RPAP2: variants seen among roughly 807,000 people sequenced by gnomAD.
RPAP2 encodes the protein putative RNA polymerase II subunit B1 CTD phosphatase RPAP2.
A neutral mutation model predicts 73.1 loss-of-function variants in RPAP2; 52 were observed. The ratio of observed to expected loss-of-function variants is 0.71; its 90% CI spans 0.57 to 0.90. The LOEUF (loss-of-function observed/expected upper bound fraction) is 0.90. Among genes scored for constraint, RPAP2 ranks in the 40% least tolerant of loss-of-function variants. RPAP2 has a pLI of 0.00. For synonymous variants in RPAP2, 225 were observed against 242.1 expected (o/e 0.93, Z 0.65); for missense variants, 598 against 701.8 (o/e 0.85, Z 1.67).
rs540380225 is a variant in RPAP2 at position 92,307,681 on chromosome 1, A to T, written c.488+405A>T. On this transcript the variant is annotated intron_variant, in intron 6 of 12. Coordinates refer to ENST00000610020, the MANE Select transcript of RPAP2 (RefSeq NM_024813.3). ...TTCAGGTTCATTTAATCTTTATAAA[A>T]ATCAGTACACTATTTTATCAATTTA... 2.0e-5 allele frequency among the ~76,000 whole-genome samples: 3 copies of T among 152,274 alleles called. No homozygotes were observed. The East Asian group carries it at 5.8e-4, about 29-fold the overall frequency.
intron 3 of RPAP2, 24 bp downstream of exon 3, chr1:92,301,614 T>C (rs1195294572): frequency 2.9e-6 from 3 of 1,029,416 alleles, no homozygotes; most frequent in African/African-American, 1.7e-5. Context: ...TGACAAATTA[T>C]TAGTTTTGTA....
Position 92,380,875 on chromosome 1 carries a change from TA to T in RPAP2, c.1838+4del, listed in dbSNP as rs757820381. ...TAGAACCAGCTGTTTACCAGAGTGG[TA>T]AGTTGGATTGTGTTTTATTTTGGTT... is the stretch of plus-strand genomic sequence containing the variant. On this transcript the variant is annotated splice_donor_region_variant and intron_variant, in intron 12 of 12. Coordinates refer to ENST00000610020, the MANE Select transcript of RPAP2 (RefSeq NM_024813.3). 3 of 1,558,728 alleles carry T rather than the reference TA, an allele frequency of 1.9e-6. No homozygotes were observed. Among genetic ancestry groups the T allele is most frequent in the Admixed American group, 2.2e-5 (1 of 46,418 alleles).
chr1:92,340,136 G>A (rs1417521579), intron 10 of RPAP2, among the ~76,000 whole-genome samples: 1 of 152,142 alleles, frequency 6.6e-6, no homozygotes, highest in Admixed American at 6.5e-5. Flanking sequence ...ATAAAATTCT[G>A]TTCCAAAAAC....
At chr1:92,329,226 T>C (rs1652819388) in intron 8 of RPAP2, among the ~76,000 whole-genome samples, 1 of 152,104 alleles carries the variant, frequency 6.6e-6, no homozygotes, top group African/African-American at 2.4e-5. Flanking sequence ...CCCAAGAGAT[T>C]AAGTCCTTTG....
intron 11 of RPAP2, among the ~76,000 whole-genome samples, chr1:92,354,368 C>T (rs1466059492): frequency 6.6e-6 from 1 of 152,022 alleles, no homozygotes; most frequent in Non-Finnish European, 1.5e-5. Context: ...TACAAGGCAA[C>T]AATGATAAAG....
chr1:92,300,124 C>T (rs1356161021), intron 1 of RPAP2, 70 bp from the exon 2 acceptor site: 7 of 1,029,078 alleles, frequency 6.8e-6, no homozygotes, highest in African/African-American at 1.6e-5. Context: ...CTTATGAGAC[C>T]GCTGTCTGTA....
Position 92,391,717 on chromosome 1 carries a change from C to A in RPAP2, c.*4706C>A, listed in dbSNP as rs1656046320. On this transcript the variant is annotated 3_prime_UTR_variant, in exon 13 of 13. Transcript: ENST00000610020. ...AAAGGGGATATCACCACTGATCCCACAGAAATACAAACTACCATCAGCGAA... is the reference window on the plus strand; with the variant it reads ...AAAGGGGATATCACCACTGATCCCAAAGAAATACAAACTACCATCAGCGAA... 1 of 152,140 alleles carries A rather than the reference C, an allele frequency of 6.6e-6. No homozygotes were observed. Among genetic ancestry groups the A allele is most frequent in the Non-Finnish European group, 1.5e-5 (1 of 68,028 alleles). 9.4% of individuals were successfully genotyped at this position (152,140 alleles called of 1,614,324 possible). A position where few individuals can be genotyped will look rare whatever the true frequency, so the allele number is the denominator to read the frequency against.
chr1:92,365,257 A>T (rs1238820031), intron 11 of RPAP2, among the ~76,000 whole-genome samples: 1 of 152,144 alleles, frequency 6.6e-6, no homozygotes, highest in Non-Finnish European at 1.5e-5. Context: ...TTACTATCCG[A>T]TTTCTTCCAA....
In RPAP2 at chr1:92,339,129, T is replaced by C. The variant is rs529180528; in HGVS notation, c.1619+2702T>C. On this transcript the variant is annotated intron_variant, in intron 10 of 12. Transcript: ENST00000610020. ...TATATTTTTTAGAACAATATTTTTC[T>C]ATAGATCTAATTTGATGTCTCTTTT... Among the ~76,000 whole-genome samples the C allele has an allele frequency of 5.3e-5, 8 of 152,310 alleles. No individual in the cohort carries two copies. The South Asian group carries it at 1.7e-3, about 32-fold the overall frequency.
chr1:92,326,135 A>C (rs1164841280), intron 8 of RPAP2, among the ~76,000 whole-genome samples: 1 of 152,002 alleles, frequency 6.6e-6, no homozygotes, highest in Non-Finnish European at 1.5e-5. Context: ...ACCGGTTTAC[A>C]GTTCCACTAC....
chr1:92,370,455 A>C (rs12088142), intron 11 of RPAP2, among the ~76,000 whole-genome samples: 1 of 151,942 alleles, frequency 6.6e-6, no homozygotes, highest in African/African-American at 2.4e-5. Context: ...GAGCTTTCGT[A>C]CCCCCCCACC....
At chr1:92,356,940 C>T (rs1028972616) in intron 11 of RPAP2, among the ~76,000 whole-genome samples, 1 of 151,926 alleles carries the variant, frequency 6.6e-6, no homozygotes, top group African/African-American at 2.4e-5. Flanking sequence ...GCGGGGACCG[C>T]CTGTAATCTC....
intron 5 of RPAP2, among the ~76,000 whole-genome samples, chr1:92,306,881 A>C (rs916859435): frequency 1.3e-5 from 2 of 152,226 alleles, no homozygotes; most frequent in Non-Finnish European, 2.9e-5. Context: ...AATGTTTAAA[A>C]ATAGGCAAAA....
intron 11 of RPAP2, among the ~76,000 whole-genome samples, chr1:92,348,483 ATTC>A (rs1245902957): frequency 2.6e-5 from 4 of 152,138 alleles, no homozygotes; most frequent in Non-Finnish European, 5.9e-5. Context: ...TTCCTTGCAG[ATTC>A]TTTTCATTCT....
chr1:92,380,870 A>G lies in RPAP2; in HGVS notation c.1835A>G (p.Glu612Gly). The G allele has an allele frequency of 6.4e-7, 1 of 1,564,742 alleles. No homozygotes were observed. Among genetic ancestry groups the G allele is most frequent in the Non-Finnish European group, 8.6e-7 (1 of 1,162,790 alleles). ...ATATTTAGAACCAGCTGTTTACCAG[A>G]GTGGTAAGTTGGATTGTGTTTTATT... ...TIIFRTSCLP[E>G] Residue 612 changes from glutamate to glycine, a missense_variant, in exon 12 of 13, where the codon GAG becomes GGG. Physicochemically the swap from Glu to Gly is moderately conservative, Grantham distance 98. Around this residue, in one of 3 missense-constraint regions of RPAP2, gnomAD observed 15 missense variants for 33.3 expected, o/e 0.45. Coordinates refer to ENST00000610020, the MANE Select transcript of RPAP2 (RefSeq NM_024813.3).
At chr1:92,329,088 A>C (rs984213097) in intron 8 of RPAP2, among the ~76,000 whole-genome samples, 2 of 152,098 alleles carry the variant, frequency 1.3e-5, no homozygotes, top group Non-Finnish European at 2.9e-5. Context: ...ATTTTTTTTA[A>C]GTGCGCTGGT....
intron 11 of RPAP2, among the ~76,000 whole-genome samples, chr1:92,354,872 G>T (rs1200513933): frequency 6.7e-6 from 1 of 149,990 alleles, no homozygotes; most frequent in Non-Finnish European, 1.5e-5. Context: ...TTAAATAAAT[G>T]CAATTTTAAT....
chr1:92,310,726 A>C (rs576928094), intron 6 of RPAP2, among the ~76,000 whole-genome samples: 3 of 152,100 alleles, frequency 2.0e-5, no homozygotes, highest in Non-Finnish European at 4.4e-5. Flanking sequence ...ACAAAACCCT[A>C]TCTCTACTAA....
intron 11 of RPAP2, among the ~76,000 whole-genome samples, chr1:92,378,482 G>C (rs1655485959): frequency 6.6e-6 from 1 of 152,026 alleles, no homozygotes; most frequent in South Asian, 2.1e-4. Flanking sequence ...CAATGTGCTG[G>C]GATTACAGGC....
Sources: allele counts gnomAD v4.1 joint callset (sites outside exome capture counted in the v4.1 genomes callset), GRCh38; gene constraint gnomAD v4.1.1; regional missense constraint gnomAD v4.1.1; transcripts MANE v1.5; gene names NCBI Gene and HGNC (gene_info 2026-07-23, HGNC 2026-07-21).